Variants in SPAG17 observed in about 807,000 individuals in gnomAD.
SPAG17 encodes sperm-associated antigen 17.
SPAG17 carries 169 observed loss-of-function variants against 273.6 expected under a neutral mutation model. That is an observed-to-expected ratio of 0.62 (90% CI 0.55 to 0.70). SPAG17 has a LOEUF of 0.70. Ranked by LOEUF, SPAG17 falls within the 30% of genes least tolerant of loss-of-function variation. The probability of loss-of-function intolerance (pLI) is 0.00; values close to 1 mark genes in which losing one functional copy is unlikely to be tolerated. For synonymous variants in SPAG17, 825 were observed against 873.2 expected, an observed-to-expected ratio of 0.94 and a Z score of 0.97; for missense variants, 2,557 against 2,627.8, an observed-to-expected ratio of 0.97 and a Z score of 0.59.
At chr1:118,102,071 T>C in intron 4 of SPAG17, 145 bp from the exon 5 acceptor site, 2 of 723,880 alleles carry the variant, frequency 2.8e-6, no homozygotes, top group Non-Finnish European at 4.5e-6. Flanking sequence ...GTCAGCATAG[T>C]GGAGATTCCA....
chr1:117,969,751 A>G (rs1471980442), intron 46 of SPAG17, among the ~76,000 whole-genome samples: 8 of 152,198 alleles, frequency 5.3e-5, no homozygotes, highest in African/African-American at 1.2e-4. Context: ...GGTAGTTTTT[A>G]TACAATGGTA....
At chr1:117,999,118 A>G (rs1310970335) in intron 32 of SPAG17, among the ~76,000 whole-genome samples, 1 of 151,896 alleles carries the variant, frequency 6.6e-6, no homozygotes, top group Non-Finnish European at 1.5e-5. Flanking sequence ...TCTGAGAATG[A>G]TGTTTCCAGT....
intron 29 of SPAG17, among the ~76,000 whole-genome samples, chr1:118,015,752 G>A (rs1262515556): frequency 6.6e-6 from 1 of 152,142 alleles, no homozygotes; most frequent in Non-Finnish European, 1.5e-5. Flanking sequence ...CACAAAAATA[G>A]TCCCTAATGA....
intron 1 of SPAG17, among the ~76,000 whole-genome samples, chr1:118,160,548 G>A (rs1269039665): frequency 6.6e-6 from 1 of 152,138 alleles, no homozygotes; most frequent in East Asian, 1.9e-4. Flanking sequence ...GAATACAAGC[G>A]TCTTCATTTA....
At chr1:118,136,092 A>C (rs867466948) in intron 3 of SPAG17, among the ~76,000 whole-genome samples, 1 of 152,184 alleles carries the variant, frequency 6.6e-6, no homozygotes, top group African/African-American at 2.4e-5. Context: ...GTGGGATCAA[A>C]ATTTGACATA....
chr1:117,959,616 AT>A, intron 48 of SPAG17: 1 of 624,944 alleles, frequency 1.6e-6, no homozygotes, highest in Non-Finnish European at 2.5e-6. Flanking sequence ...CCAACATGAG[AT>A]TATGGGCTGG....
At chr1:118,184,990 C>T (rs1174009219) in intron 1 of SPAG17, 81 bp downstream of exon 1, 1 of 1,218,042 alleles carries the variant, frequency 8.2e-7, no homozygotes, top group East Asian at 2.3e-5. Context: ...GAGGGCGAGC[C>T]TTAAGGCGTC....
At chr1:118,090,687 C>G (rs1655314167) in intron 10 of SPAG17, among the ~76,000 whole-genome samples, 1 of 151,964 alleles carries the variant, frequency 6.6e-6, no homozygotes, top group Admixed American at 6.6e-5. Flanking sequence ...AGTTAAAGAC[C>G]ATACTGGGCA....
chr1:118,064,752 A>G (rs929204928), intron 18 of SPAG17, among the ~76,000 whole-genome samples: 3 of 151,040 alleles, frequency 2.0e-5, no homozygotes, highest in Non-Finnish European at 3.0e-5. Context: ...TAAAATTAAA[A>G]ATAAAATAAA....
intron 1 of SPAG17, among the ~76,000 whole-genome samples, chr1:118,180,496 T>A (rs1415645906): frequency 2.6e-5 from 4 of 152,042 alleles, no homozygotes; most frequent in Non-Finnish European, 5.9e-5. Context: ...TAGAGTTTGA[T>A]AGAAGAAATA....
At chr1:118,055,352 A>G (rs541713618) in intron 19 of SPAG17, among the ~76,000 whole-genome samples, 1 of 152,308 alleles carries the variant, frequency 6.6e-6, no homozygotes, top group East Asian at 1.9e-4. Context: ...TGGAATCTAT[A>G]ATTATTCAAA....
chr1:118,108,733 A>C (rs1049242240), intron 4 of SPAG17, among the ~76,000 whole-genome samples: 1 of 151,976 alleles, frequency 6.6e-6, no homozygotes, highest in African/African-American at 2.4e-5. Context: ...CAGTATGTGC[A>C]GAAAGCATCT....
In SPAG17 at chr1:117,996,589, T is replaced by C. The variant is rs988698465; in HGVS notation, c.4922+9A>G. ...AATTAAAAGTAAAATTATAGTATTA[T>C]TCTTTTACCTGGGGACATGTTCACC... On this transcript the variant is annotated intron_variant, in intron 33 of 48. Coordinates refer to ENST00000336338, the MANE Select transcript of SPAG17 (RefSeq NM_206996.4). 6.2e-7 allele frequency: 1 copy of C among 1,607,882 alleles called. No individual in the cohort carries two copies. Among genetic ancestry groups the C allele is most frequent in the Non-Finnish European group, 8.5e-7 (1 of 1,178,044 alleles).
At chr1:118,041,553 T>C (rs1235204428) in intron 21 of SPAG17, among the ~76,000 whole-genome samples, 1 of 152,042 alleles carries the variant, frequency 6.6e-6, no homozygotes, top group Non-Finnish European at 1.5e-5. Flanking sequence ...AATTTCTGTG[T>C]TTATTGACCT....
chr1:117,967,202 G>A (rs971220850), intron 46 of SPAG17, among the ~76,000 whole-genome samples: 12 of 150,582 alleles, frequency 8.0e-5, no homozygotes, highest in Admixed American at 5.3e-4. Context: ...TTGCTTGAAC[G>A]CAGGAGAATT....
chr1:118,086,051 C>A lies in SPAG17; in HGVS notation c.1633G>T (p.Val545Phe). ...GACTGCATCTCCTGCTCAATTTGAA[C>A]TGGATCAAAATTCTTTTGGTCCTGA... Reference protein sequence around the residue: ...ALQDQKNFDPVQIEQEMQSKL... With the variant: ...ALQDQKNFDPFQIEQEMQSKL... Residue 545 changes from valine (V) to phenylalanine (F), a missense_variant, in exon 13 of 49, where the codon GTT (valine) becomes TTT (phenylalanine). By Grantham distance (50) the Val-to-Phe change is conservative (BLOSUM62 -1). Coordinates refer to ENST00000336338, the MANE Select transcript of SPAG17 (RefSeq NM_206996.4). 1 of 1,613,560 alleles carries A rather than the reference C, an allele frequency of 6.2e-7. No individual in the cohort carries two copies. Among genetic ancestry groups the A allele is most frequent in the Non-Finnish European group, 8.5e-7 (1 of 1,179,860 alleles).
chr1:118,158,557 T>C (rs1319269108), intron 1 of SPAG17, among the ~76,000 whole-genome samples: 1 of 152,216 alleles, frequency 6.6e-6, no homozygotes, highest in African/African-American at 2.4e-5. Flanking sequence ...GCAGCGCTAG[T>C]TCTTAAAATA....
intron 48 of SPAG17, chr1:117,955,198 G>T: frequency 1.2e-6 from 1 of 812,838 alleles, no homozygotes; most frequent in East Asian, 2.8e-5. Flanking sequence ...TGCCATTTTA[G>T]AATACTTTTT....
At chr1:118,169,538 A>T (rs1660322754) in intron 1 of SPAG17, among the ~76,000 whole-genome samples, 1 of 152,188 alleles carries the variant, frequency 6.6e-6, no homozygotes, top group Non-Finnish European at 1.5e-5. Context: ...AAGATCAAAA[A>T]GTTGAAAAAC....
Sources: gnomAD v4.1 joint callset for allele counts (sites outside exome capture counted in the v4.1 genomes callset) on GRCh38, gnomAD v4.1.1 for gene constraint, MANE v1.5 for transcripts, NCBI Gene and HGNC (gene_info 2026-07-23, HGNC 2026-07-21) for gene names.